The following NEDD9 variants were observed in gnomAD, a reference collection of about 807,000 sequenced individuals.
NEDD9 encodes neural precursor cell expressed, developmentally down-regulated 9, also known as enhancer of filamentation 1.
NEDD9 carries 26 observed loss-of-function variants against 76.6 expected under a neutral mutation model. The ratio of observed to expected loss-of-function variants is 0.34; its 90% confidence interval spans 0.25 to 0.47. The LOEUF (loss-of-function observed/expected upper bound fraction) is 0.47. Among genes scored for constraint, NEDD9 ranks in the 20% least tolerant of loss-of-function variants. The pLI, the probability that NEDD9 is intolerant of heterozygous loss-of-function variation, is 1.00. For synonymous variants in NEDD9, 392 were observed against 414.2 expected, an observed-to-expected ratio of 0.95 and a Z score of 0.65; for missense variants, 937 against 1,058.5, an observed-to-expected ratio of 0.89 and a Z score of 1.59.
At chr6:11,379,363 G>C (rs1373856214) in intron 1 of NEDD9, among the ~76,000 whole-genome samples, 1 of 152,074 alleles carries the variant, frequency 6.6e-6, no homozygotes, top group Non-Finnish European at 1.5e-5. Flanking sequence ...TAAGGTGGGC[G>C]GGTCACCTGA....
chr6:11,302,539 C>A (rs142245596), intron 3 of NEDD9, among the ~76,000 whole-genome samples: 2,656 of 152,232 alleles, frequency 0.017, 89 homozygotes, highest in African/African-American at 0.059. Context: ...ATCCTGATAC[C>A]AAAGCCTGGT....
chr6:11,224,300 A>G (rs1759240614), intron 1 of NEDD9, among the ~76,000 whole-genome samples: 2 of 152,232 alleles, frequency 1.3e-5, no homozygotes, highest in Non-Finnish European at 2.9e-5. Flanking sequence ...TCTGTGAGAT[A>G]GCCTAGAAGT....
At chr6:11,266,722 G>A (rs1760208818) in intron 3 of NEDD9, among the ~76,000 whole-genome samples, 1 of 152,202 alleles carries the variant, frequency 6.6e-6, no homozygotes, top group African/African-American at 2.4e-5. Context: ...TCTAAGCCAG[G>A]ATAGTTGTAG....
intron 3 of NEDD9, among the ~76,000 whole-genome samples, chr6:11,269,223 T>C (rs781774920): frequency 3.3e-5 from 5 of 152,242 alleles, no homozygotes; most frequent in African/African-American, 7.2e-5. Flanking sequence ...TTCTAGCTGC[T>C]GTGACAATAA....
At chr6:11,189,155 C>T (rs142952838) in intron 5 of NEDD9, among the ~76,000 whole-genome samples, 2 of 152,154 alleles carry the variant, frequency 1.3e-5, no homozygotes, top group South Asian at 2.1e-4. Context: ...CCATATTGGC[C>T]AGGCTGGTCT....
rs142081748 is a variant in NEDD9, at chr6:11,361,469, CA to C, written c.-214+20669del. ...GAGAGACAGACAGAGTGTCAAGGGG[CA>C]GGGGGGAGGTACCATACACTTTTAC... On this transcript the variant is annotated intron_variant, in intron 1 of 3. Transcript: ENST00000397378. 6.6e-3 allele frequency among the ~76,000 whole-genome samples: 1,006 copies of C among 152,090 alleles called. 13 individuals are homozygous for C. The highest frequency in any genetic ancestry group is 0.023 in the African/African-American group (948 of 41,460).
intron 3 of NEDD9, among the ~76,000 whole-genome samples, chr6:11,300,327 G>A (rs1313609144): frequency 6.6e-6 from 1 of 152,124 alleles, no homozygotes; most frequent in African/African-American, 2.4e-5. Context: ...AGAGTAAAAG[G>A]AAATGAACAA....
At chr6:11,327,554 G>A (rs1212129095) in intron 2 of NEDD9, among the ~76,000 whole-genome samples, 4 of 152,192 alleles carry the variant, frequency 2.6e-5, no homozygotes, top group African/African-American at 9.7e-5. Flanking sequence ...TGAAAGCCAC[G>A]TTACTCGATG....
At chr6:11,288,924 C>G (rs1400520109) in intron 3 of NEDD9, among the ~76,000 whole-genome samples, 1 of 152,188 alleles carries the variant, frequency 6.6e-6, no homozygotes, top group Non-Finnish European at 1.5e-5. Flanking sequence ...CTAATTGCAG[C>G]CATTTTGTTT....
chr6:11,208,647 T>C (rs3102), intron 2 of NEDD9, among the ~76,000 whole-genome samples: 31,915 of 152,228 alleles, frequency 0.21, 3,704 homozygotes, highest in African/African-American at 0.28. Flanking sequence ...ATGGCCCCTG[T>C]GCTGATGGAG....
chr6:11,365,671 A>G (rs1762749647), intron 1 of NEDD9, among the ~76,000 whole-genome samples: 1 of 152,224 alleles, frequency 6.6e-6, no homozygotes, highest in Admixed American at 6.5e-5. Flanking sequence ...CTTGATCATA[A>G]CAAATGCCAA....
intron 3 of NEDD9, among the ~76,000 whole-genome samples, chr6:11,240,368 C>T (rs114249958): frequency 0.051 from 7,825 of 152,284 alleles, 305 homozygotes; most frequent in South Asian, 0.19. Context: ...ACCACTCCTA[C>T]TGAGCCCTCT....
chr6:11,232,956 C>T (rs1208066536), upstream of NEDD9, among the ~76,000 whole-genome samples: 1 of 151,948 alleles, frequency 6.6e-6, no homozygotes, highest in African/African-American at 2.4e-5. Context: ...TAAGATTAAC[C>T]CAAATTTTAA....
intron 2 of NEDD9, among the ~76,000 whole-genome samples, chr6:11,326,918 A>G (rs1476534909): frequency 6.6e-6 from 1 of 152,242 alleles, no homozygotes; most frequent in Non-Finnish European, 1.5e-5. Context: ...AGGAGAAACA[A>G]TTTTGAGAAC....
chr6:11,185,252 C>G lies in NEDD9; in HGVS notation c.2415G>C (p.Thr805=), dbSNP rs775371935. ...KMAALHYPST[T]ALQEMVHQVT... ...CTTGGTGCACCATTTCCTGCAGGGC[C>G]GTGGTGCTGGGGTAATGGAGGGCGG... The change falls in exon 7 of 7, where the codon ACG becomes ACC. Residue 805 remains threonine (T), a synonymous_variant. Transcript: ENST00000379446. The G allele has an allele frequency of 3.7e-6, 6 of 1,613,938 alleles. No individual in the cohort carries two copies. Among genetic ancestry groups the G allele is most frequent in the Non-Finnish European group, 4.2e-6 (5 of 1,180,026 alleles).
At chr6:11,349,280 C>A (rs565018632) in intron 1 of NEDD9, among the ~76,000 whole-genome samples, 12 of 152,234 alleles carry the variant, frequency 7.9e-5, no homozygotes, top group Admixed American at 4.6e-4. Context: ...CAGATGCTTG[C>A]AAGATTGTGG....
intron 2 of NEDD9, chr6:11,200,253 A>C (rs1294679464): frequency 4.4e-6 from 2 of 456,122 alleles, no homozygotes; most frequent in African/African-American, 4.0e-5. Context: ...AATAAGGATT[A>C]ACTGGAAGTA....
intron 3 of NEDD9, among the ~76,000 whole-genome samples, chr6:11,281,432 A>G (rs753777356): frequency 2.7e-4 from 41 of 152,276 alleles, no homozygotes; most frequent in Non-Finnish European, 4.7e-4. Flanking sequence ...AAGAGACACA[A>G]TGAAAGGCTA....
intron 2 of NEDD9, chr6:11,200,068 T>C: frequency 4.6e-6 from 1 of 216,034 alleles, no homozygotes; most frequent in Non-Finnish European, 9.7e-6. Context: ...AGATTGCTTT[T>C]CAAGCCTGGG....
Sources: allele counts gnomAD v4.1 joint callset (sites outside exome capture counted in the v4.1 genomes callset), GRCh38; gene constraint gnomAD v4.1.1; transcripts MANE v1.5; gene names NCBI Gene and HGNC (gene_info 2026-07-23, HGNC 2026-07-21).